Variants in LYPD6B observed in about 807,000 individuals in gnomAD.
The protein encoded by LYPD6B is LY6/PLAUR domain containing 6B, also known as ly6/PLAUR domain-containing protein 6B.
LYPD6B carries 17 observed loss-of-function variants against 22.8 expected under a neutral mutation model. The observed-to-expected ratio is 0.75, with a 90% confidence interval of 0.51 to 1.12. LYPD6B has a LOEUF of 1.12. LYPD6B is among the 50% of genes most tolerant of loss of function. LYPD6B has a pLI of 0.00. For missense variants in LYPD6B, 221 were observed against 258.3 expected (o/e 0.86, Z 0.99); for synonymous variants, 106 against 91.6 (o/e 1.16, Z -0.90).
At chr2:149,088,309 G>C (rs911246568) in intron 1 of LYPD6B, among the ~76,000 whole-genome samples, 1 of 152,158 alleles carries the variant, frequency 6.6e-6, no homozygotes, top group Non-Finnish European at 1.5e-5. Context: ...CTTGTGATCT[G>C]TGTTTTCAGT....
In LYPD6B at chr2:149,120,361, GTA is replaced by G. The variant is rs764587788; in HGVS notation, c.-66-10500_-66-10499del. Among the ~76,000 whole-genome samples the G allele has an allele frequency of 3.8e-3, 146 of 38,738 alleles. 2 individuals are homozygous for G. The highest frequency in any genetic ancestry group is 0.01 in the East Asian group (11 of 1,062). The allele number at this position is 38,738 out of a possible 152,430, so 25.4% of individuals were successfully genotyped here. A position where few individuals can be genotyped will look rare whatever the true frequency, so the allele number is the denominator to read the frequency against. On this transcript the variant is annotated intron_variant, in intron 1 of 6. Coordinates refer to ENST00000409642, the MANE Select transcript of LYPD6B (RefSeq NM_177964.5). ...TGTGTATATATATATGTGTGTGTGTGTATATATATATATATATATATATTTTT... is the reference window on the plus strand; with the variant it reads ...TGTGTATATATATATGTGTGTGTGTGTATATATATATATATATATATTTTT...
chr2:149,212,380 CAAAAAAAAA>C lies in LYPD6B; in HGVS notation c.329-596_329-588del, dbSNP rs386391473. 1.6e-3 allele frequency among the ~76,000 whole-genome samples: 97 copies of C among 60,134 alleles called. No homozygotes were observed. In the East Asian group the frequency reaches 0.051, roughly 32 times the overall value. The allele number at this position is 60,134 out of a possible 152,430, so 39.5% of individuals were successfully genotyped here. The stretch of plus-strand genomic sequence containing the variant: ...CTGGGGACAGAGTAAGACTCCGTCT[CAAAAAAAAA>C]AAAAAAAAAAAAAAAGAAATTATTA... On this transcript the variant is annotated intron_variant, in intron 5 of 6. Transcript: ENST00000409642.
intron 3 of LYPD6B, among the ~76,000 whole-genome samples, chr2:149,178,438 C>A (rs537309955): frequency 1.3e-5 from 2 of 152,140 alleles, no homozygotes; most frequent in Non-Finnish European, 2.9e-5. Flanking sequence ...CCCCCACCCC[C>A]GTGAAACTGA....
At chr2:149,205,535 G>A in intron 4 of LYPD6B, 131 bp downstream of exon 4, 1 of 1,008,658 alleles carries the variant, frequency 9.9e-7, no homozygotes, top group African/African-American at 1.6e-5. Context: ...AAAACAGAAA[G>A]TCTCCATTAC....
At chr2:149,054,798 G>C (rs1266542192) in intron 1 of LYPD6B, among the ~76,000 whole-genome samples, 1 of 151,774 alleles carries the variant, frequency 6.6e-6, no homozygotes, top group Non-Finnish European at 1.5e-5. Context: ...AGAATCTCTT[G>C]AGCCCAGAAG....
At position 149,182,332 on chromosome 2, in the gene LYPD6B, G is replaced by T. The variant is rs116932648; in HGVS notation, c.77+21497G>T. Among the ~76,000 whole-genome samples the T allele has an allele frequency of 7.0e-4, 107 of 152,256 alleles. 1 individual carries two copies. In the East Asian group the frequency reaches 0.019, roughly 27 times the overall value. On this transcript the variant is annotated intron_variant, in intron 3 of 6. Transcript: ENST00000409642. ...TCATATAGTTTAAAACTCCATGGTG[G>T]TTATCACAGTGTTGACCACACAATA...
intron 5 of LYPD6B, among the ~76,000 whole-genome samples, chr2:149,212,380 C>CAAAAAAAAAAAA (rs386391473): frequency 4.7e-4 from 28 of 60,132 alleles, no homozygotes; most frequent in African/African-American, 1.1e-3. Flanking sequence ...GACTCCGTCT[C>CAAAAAAAAAAAA]AAAAAAAAAA....
intron 1 of LYPD6B, among the ~76,000 whole-genome samples, chr2:149,111,528 G>A (rs568467736): frequency 1.3e-5 from 2 of 152,150 alleles, no homozygotes; most frequent in Non-Finnish European, 2.9e-5. Flanking sequence ...TTATTGTTGT[G>A]TGTCTCTTCA....
chr2:149,094,034 G>T (rs376348363), intron 1 of LYPD6B, among the ~76,000 whole-genome samples: 2 of 152,118 alleles, frequency 1.3e-5, no homozygotes, highest in Non-Finnish European at 2.9e-5. Context: ...TTATGGAATG[G>T]ATAGAAAGTG....
intron 1 of LYPD6B, among the ~76,000 whole-genome samples, chr2:149,123,854 C>T (rs567428782): frequency 1.3e-5 from 2 of 152,250 alleles, no homozygotes; most frequent in South Asian, 2.1e-4. Flanking sequence ...AGAGAGACTT[C>T]GTCTCTAAAT....
chr2:149,146,818 G>A (rs1575062092), intron 2 of LYPD6B, among the ~76,000 whole-genome samples: 1 of 152,144 alleles, frequency 6.6e-6, no homozygotes, highest in East Asian at 1.9e-4. Flanking sequence ...GTAGCTGTGG[G>A]ATTAGAAGAC....
At chr2:149,191,794 G>A (rs1016137033) in intron 3 of LYPD6B, among the ~76,000 whole-genome samples, 2 of 152,182 alleles carry the variant, frequency 1.3e-5, no homozygotes, top group Admixed American at 6.5e-5. Flanking sequence ...GAAAGTACTA[G>A]TAATAGCATC....
At chr2:149,073,914 C>T (rs114038365) in intron 1 of LYPD6B, among the ~76,000 whole-genome samples, 98 of 152,000 alleles carry the variant, frequency 6.4e-4, no homozygotes, top group African/African-American at 2.3e-3. Flanking sequence ...AGGGTGACGG[C>T]TGTACGAAAG....
chr2:149,094,899 A>C (rs1281807418), intron 1 of LYPD6B, among the ~76,000 whole-genome samples: 2 of 152,022 alleles, frequency 1.3e-5, no homozygotes, highest in East Asian at 3.8e-4. Flanking sequence ...AACAATAAGA[A>C]ATTATTGTTG....
intron 1 of LYPD6B, among the ~76,000 whole-genome samples, chr2:149,092,196 G>A (rs781021874): frequency 6.6e-6 from 1 of 152,040 alleles, no homozygotes; most frequent in Non-Finnish European, 1.5e-5. Flanking sequence ...GTGATGGGGG[G>A]GGAATTTTAG....
At chr2:149,144,141 T>TTATAGTATGATG (rs769321166) in intron 2 of LYPD6B, among the ~76,000 whole-genome samples, 5 of 152,214 alleles carry the variant, frequency 3.3e-5, no homozygotes, top group African/African-American at 4.8e-5. Context: ...TCAGAGGGGC[T>TTATAGTATGATG]TATAGTATGA....
At chr2:149,072,433 T>G (rs552695371) in intron 1 of LYPD6B, among the ~76,000 whole-genome samples, 2 of 152,270 alleles carry the variant, frequency 1.3e-5, no homozygotes, top group East Asian at 3.9e-4. Context: ...GTCAATGTAA[T>G]AAATGCTATG....
intron 1 of LYPD6B, chr2:149,101,720 C>T (rs1469371074): frequency 6.6e-6 from 1 of 152,242 alleles, no homozygotes; most frequent in Admixed American, 6.5e-5. Context: ...GCCATATGGG[C>T]TAGTGGGGCC....
chr2:149,052,919 G>A (rs1240344104), intron 1 of LYPD6B, among the ~76,000 whole-genome samples: 4 of 152,136 alleles, frequency 2.6e-5, no homozygotes, highest in Non-Finnish European at 5.9e-5. Flanking sequence ...CTTCTCTATT[G>A]GCTTGTTTCA....
Sources: gnomAD v4.1 joint callset for allele counts (sites outside exome capture counted in the v4.1 genomes callset) on GRCh38, gnomAD v4.1.1 for gene constraint, MANE v1.5 for transcripts, NCBI Gene and HGNC (gene_info 2026-07-23, HGNC 2026-07-21) for gene names.